DNAH1: variants seen among roughly 807,000 people sequenced by gnomAD.
DNAH1 encodes the protein dynein axonemal heavy chain 1.
DNAH1 carries 327 observed loss-of-function variants against 484.3 expected under a neutral mutation model. That is an observed-to-expected ratio of 0.68 (90% CI 0.62 to 0.74). DNAH1 has a LOEUF of 0.74. Ranked by LOEUF, DNAH1 falls within the 30% of genes least tolerant of loss-of-function variation. The probability of loss-of-function intolerance (pLI) is 0.00; values close to 1 mark genes in which losing one functional copy is unlikely to be tolerated. For synonymous variants in DNAH1, 2,192 were observed against 2,191.9 expected, an observed-to-expected ratio of 1.00 and a Z score of 0.00; for missense variants, 5,052 against 5,546.8, an observed-to-expected ratio of 0.91 and a Z score of 2.83.
chr3:52,374,343 G>C, intron 44 of DNAH1: 2 of 1,504,406 alleles, frequency 1.3e-6, no homozygotes, highest in Non-Finnish European at 1.8e-6. Context: ...TCTCTTGAGT[G>C]TCTACCACCC....
In DNAH1 at chr3:52,379,588, G is replaced by A. The variant is rs967132819; in HGVS notation, c.7378-317G>A. Among the ~76,000 whole-genome samples, 3 of 152,132 alleles carry A rather than the reference G, an allele frequency of 2.0e-5. No individual in the cohort carries two copies. Among genetic ancestry groups the A allele is most frequent in the Admixed American group, 1.3e-4 (2 of 15,270 alleles). ...CTCCCAGGTTTGGGGTTAGGGGAGC[G>A]ACAGGGGGCTAAAAGGTGGAAGTGA... On this transcript the variant is annotated intron_variant, in intron 47 of 77. Coordinates refer to ENST00000420323, the MANE Select transcript of DNAH1 (RefSeq NM_015512.5). This position sits in a 1 kb window ranked among gnomAD's most constrained non-coding sequence, Gnocchi z 4.4.
At chr3:52,311,397 C>G (rs935541161), upstream of DNAH1, among the ~76,000 whole-genome samples, 2 of 152,132 alleles carry the variant, frequency 1.3e-5, no homozygotes, top group Non-Finnish European at 2.9e-5. Flanking sequence ...AGGGCAATGG[C>G]GCACCCGGGG....
intron 9 of DNAH1, among the ~76,000 whole-genome samples, chr3:52,345,204 G>A (rs567201080): frequency 9.8e-5 from 15 of 152,304 alleles, no homozygotes; most frequent in African/African-American, 1.9e-4. Flanking sequence ...TGTGCAGCAC[G>A]GGCAGGAGTG....
At chr3:52,319,283 C>G (rs905492087) in intron 1 of DNAH1, among the ~76,000 whole-genome samples, 3 of 152,204 alleles carry the variant, frequency 2.0e-5, no homozygotes, top group African/African-American at 7.2e-5. Context: ...CAACCAGAAG[C>G]TTCCTCTGGC....
rs1702860485 is a variant in DNAH1 at position 52,361,615 on chromosome 3, G to A, written c.4875-46G>A. 5.8e-6 allele frequency: 9 copies of A among 1,539,852 alleles called. No homozygotes were observed. Among genetic ancestry groups the A allele is most frequent in the Non-Finnish European group, 7.0e-6 (8 of 1,134,928 alleles). On this transcript the variant is annotated intron_variant, in intron 29 of 77. Coordinates refer to ENST00000420323, the MANE Select transcript of DNAH1 (RefSeq NM_015512.5). The surrounding 1 kb of genome is among the most constrained non-coding windows in gnomAD (Gnocchi z 5.6). ...GCCCTCAGAGGGAGGTGCCCAGATTGGGCTCTGAACACATGTGCCCCATCC... is the reference window on the plus strand; with the variant it reads ...GCCCTCAGAGGGAGGTGCCCAGATTAGGCTCTGAACACATGTGCCCCATCC...
intron 44 of DNAH1, chr3:52,373,945 C>G: frequency 7.7e-7 from 1 of 1,298,440 alleles, no homozygotes. Context: ...ACGTTAGAAG[C>G]AGGCTGGCTT....
chr3:52,325,562 C>T (rs1448105505), intron 3 of DNAH1, among the ~76,000 whole-genome samples: 1 of 152,202 alleles, frequency 6.6e-6, no homozygotes, highest in Non-Finnish European at 1.5e-5. Flanking sequence ...GGGTCTCTCC[C>T]CACCAACTCC....
At chr3:52,378,983 G>A (rs558351730) in intron 47 of DNAH1, among the ~76,000 whole-genome samples, 2 of 152,348 alleles carry the variant, frequency 1.3e-5, no homozygotes, top group South Asian at 4.1e-4. Flanking sequence ...TGGTGGCTGA[G>A]ACGGGGATCA....
chr3:52,352,676 G>A lies in DNAH1; in HGVS notation c.2996G>A (p.Arg999His). ...CQQLAMLYNN[R>H]ERIFSLPITN... ...CAGCTGGCCATGCTCTACAACAACC[G>A]CGAGCGCATCTTCAGCTTGCCCATC... is the stretch of plus-strand genomic sequence containing the variant. Residue 999 changes from arginine (R) to histidine (H), a missense_variant, in exon 18 of 78, where the codon CGC becomes CAC. By Grantham distance (29) the Arg-to-His change is conservative. Coordinates refer to ENST00000420323, the MANE Select transcript of DNAH1 (RefSeq NM_015512.5). The A allele has an allele frequency of 3.1e-6, 5 of 1,612,636 alleles. No individual in the cohort carries two copies. The highest frequency in any genetic ancestry group is 4.2e-6 in the Non-Finnish European group (5 of 1,179,432).
intron 55 of DNAH1, 22 bp from the exon 56 acceptor site, chr3:52,386,640 C>T (rs1466830672): frequency 5.2e-6 from 8 of 1,541,806 alleles, no homozygotes; most frequent in South Asian, 4.9e-5. Flanking sequence ...GAGTCTTCCC[C>T]ACTTGGTGGC....
At position 52,360,235 on chromosome 3, in the gene DNAH1, CCTCT is replaced by C. The variant is rs1702798219; in HGVS notation, c.4572-72_4572-69del. On this transcript the variant is annotated intron_variant, in intron 27 of 77. Transcript: ENST00000420323. ...TAATGCCCTCATTCCCAAAAAGAAC[CCTCT>C]CTCCTTGACTATATACCCTGCCCAG... is the stretch of plus-strand genomic sequence containing the variant. 2.0e-6 allele frequency: 3 copies of C among 1,509,258 alleles called. No homozygotes were observed. In the Admixed American group the frequency reaches 5.4e-5, roughly 27 times the overall value. The allele number at this position is 1,509,258 out of a possible 1,614,324, so 93.5% of individuals were successfully genotyped here. A position where few individuals can be genotyped will look rare whatever the true frequency, so the allele number is the denominator to read the frequency against.
chr3:52,383,139 C>G (rs1703930775), intron 50 of DNAH1, among the ~76,000 whole-genome samples: 1 of 152,208 alleles, frequency 6.6e-6, no homozygotes, highest in South Asian at 2.1e-4. Flanking sequence ...GAGGAAGATG[C>G]CACAACCCCC....
Position 52,398,927 on chromosome 3 carries a change from C to T in DNAH1, c.12167C>T (p.Ser4056Phe). Reference sequence around the variant, plus strand: ...GCACTCAAGGGGCTGGTAGTGATGTCCTCTCAGCTGGAGCTGATGGCTGCC... The same window carrying T: ...GCACTCAAGGGGCTGGTAGTGATGTTCTCTCAGCTGGAGCTGATGGCTGCC... ...LKALKGLVVMSSQLELMAASL... is the reference protein window; with the variant it reads ...LKALKGLVVMFSQLELMAASL... Residue 4056 changes from serine to phenylalanine, a missense_variant, in exon 76 of 78, where the codon TCC becomes TTC. Around this residue, in one of 4 missense-constraint regions of DNAH1, gnomAD observed 853 missense variants for 899.0 expected, o/e 0.95. Coordinates refer to ENST00000420323, the MANE Select transcript of DNAH1 (RefSeq NM_015512.5). 6.2e-7 allele frequency: 1 copy of T among 1,612,688 alleles called. No individual in the cohort carries two copies. Among genetic ancestry groups the T allele is most frequent in the Non-Finnish European group, 8.5e-7 (1 of 1,179,016 alleles).
Position 52,368,653 on chromosome 3 carries a change from AC to A in DNAH1, c.5766-85del. 1 of 1,403,220 alleles carries A rather than the reference AC, an allele frequency of 7.1e-7. No homozygotes were observed. Among genetic ancestry groups the A allele is most frequent in the East Asian group, 2.3e-5 (1 of 43,224 alleles). The allele number at this position is 1,403,220 out of a possible 1,614,324, so 86.9% of individuals were successfully genotyped here. On this transcript the variant is annotated intron_variant, in intron 36 of 77. Coordinates refer to ENST00000420323, the MANE Select transcript of DNAH1 (RefSeq NM_015512.5). This position sits in a 1 kb window ranked among gnomAD's most constrained non-coding sequence, Gnocchi z 4.4. ...GATTGAAGGAAAGTAGAGCCCGCCC[AC>A]CCGGCGGCCAGGCTTCCCTGGGAGC...
chr3:52,314,564 G>A (rs547287258), upstream of DNAH1, among the ~76,000 whole-genome samples: 3 of 152,292 alleles, frequency 2.0e-5, no homozygotes, highest in East Asian at 5.8e-4. Context: ...CTGGACTGAC[G>A]CATGGGCAGG....
upstream of DNAH1, among the ~76,000 whole-genome samples, chr3:52,312,627 C>T (rs1161144754): frequency 4.0e-5 from 6 of 151,898 alleles, no homozygotes; most frequent in East Asian, 1.9e-4. Flanking sequence ...TGTGCCACCA[C>T]GTCTGGCTAA....
intron 5 of DNAH1, 96 bp downstream of exon 5, chr3:52,326,987 C>A: frequency 7.0e-7 from 1 of 1,423,244 alleles, no homozygotes; most frequent in Non-Finnish European, 9.4e-7. Flanking sequence ...GATTCCCCCA[C>A]CAGTCACCAG....
At chr3:52,392,316 G>T in intron 63 of DNAH1, 148 bp from the exon 64 acceptor site, 1 of 693,198 alleles carries the variant, frequency 1.4e-6, no homozygotes. Flanking sequence ...TGCAGCCTGA[G>T]ATGGAGGCTA....
At position 52,379,920 on chromosome 3, in the gene DNAH1, C is replaced by T. The variant is rs1703767054; in HGVS notation, c.7393C>T (p.Leu2465=). ...GCTACTGCAGGACCAAGTGCAGCTG[C>T]TGCGACTGTGGTATCACGAGAACTG... ...PAKVEDQVQL[L]RLWYHENCRV... is the part of the protein sequence containing the mutation. Residue 2465 remains leucine, a synonymous_variant, in exon 48 of 78, where the codon CTG becomes TTG. Coordinates refer to ENST00000420323, the MANE Select transcript of DNAH1 (RefSeq NM_015512.5). This position sits in a 1 kb window ranked among gnomAD's most constrained non-coding sequence, Gnocchi z 4.4. The T allele has an allele frequency of 6.4e-7, 1 of 1,565,008 alleles. No homozygotes were observed. The highest frequency in any genetic ancestry group is 8.7e-7 in the Non-Finnish European group (1 of 1,155,220).
Sources: gnomAD v4.1 joint callset for allele counts (sites outside exome capture counted in the v4.1 genomes callset) on GRCh38, gnomAD v4.1.1 for gene constraint, gnomAD v4.1.1 regional missense constraint, Gnocchi (gnomAD v3.1) non-coding constraint, MANE v1.5 for transcripts, NCBI Gene and HGNC (gene_info 2026-07-23, HGNC 2026-07-21) for gene names.